Variants in ACVR2A observed in about 807,000 individuals in gnomAD.
ACVR2A encodes the protein activin A receptor type 2A.
In ACVR2A, 7 loss-of-function variants were observed where a neutral mutation model predicts 61.4. The observed-to-expected ratio is 0.11, with a 90% confidence interval of 0.06 to 0.21. The LOEUF is 0.21. Ranked by LOEUF, ACVR2A falls within the 10% of genes least tolerant of loss-of-function variation. The pLI is 1.00. For synonymous variants in ACVR2A, 193 were observed against 208.3 expected, an observed-to-expected ratio of 0.93 and a Z score of 0.63; for missense variants, 322 against 621.7, an observed-to-expected ratio of 0.52 and a Z score of 5.13.
intron 1 of ACVR2A, among the ~76,000 whole-genome samples, chr2:147,881,645 G>GTA (rs1686304441): frequency 1.4e-5 from 2 of 145,558 alleles, no homozygotes; most frequent in African/African-American, 5.2e-5. Context: ...GTGTGTGTAT[G>GTA]TGTGTGTGTG....
At chr2:147,873,113 A>G (rs1686064376) in intron 1 of ACVR2A, among the ~76,000 whole-genome samples, 1 of 151,926 alleles carries the variant, frequency 6.6e-6, no homozygotes, top group Non-Finnish European at 1.5e-5. Context: ...TGAGGAAATG[A>G]TTGAACAGAT....
intron 9 of ACVR2A, among the ~76,000 whole-genome samples, chr2:147,923,972 C>T (rs767771141): frequency 1.3e-5 from 2 of 151,952 alleles, no homozygotes; most frequent in Non-Finnish European, 2.9e-5. Context: ...CAGACTGCCA[C>T]TGGAATATGA....
chr2:147,920,811 T>G (rs1218765648), intron 8 of ACVR2A, among the ~76,000 whole-genome samples: 1 of 152,156 alleles, frequency 6.6e-6, no homozygotes, highest in East Asian at 1.9e-4. Context: ...TTAATCAACT[T>G]GATGGCTTTT....
intron 1 of ACVR2A, among the ~76,000 whole-genome samples, chr2:147,886,515 A>G (rs1042416648): frequency 1.3e-5 from 2 of 152,236 alleles, no homozygotes; most frequent in African/African-American, 2.4e-5. Flanking sequence ...CATTGGTTGC[A>G]TACATAGGAG....
chr2:147,850,610 T>A (rs1298364552), intron 1 of ACVR2A, among the ~76,000 whole-genome samples: 2 of 152,162 alleles, frequency 1.3e-5, no homozygotes, highest in Non-Finnish European at 2.9e-5. Flanking sequence ...TGTGGTAGAT[T>A]TAATTCTGTT....
At chr2:147,905,067 CA>C (rs1288549744) in intron 4 of ACVR2A, among the ~76,000 whole-genome samples, 1 of 152,016 alleles carries the variant, frequency 6.6e-6, no homozygotes, top group Non-Finnish European at 1.5e-5. Context: ...GGTATCAAGA[CA>C]AACTGTACAG....
rs1686099409 is a variant in ACVR2A at position 147,874,288 on chromosome 2, A to G, written c.56-22013A>G. On this transcript the variant is annotated intron_variant, in intron 1 of 10. Transcript: ENST00000241416. ...TTTTTCATCCATAAAATGGGCAGAA[A>G]CACCTACTTCATAGAATTACATGGA... 2.0e-5 allele frequency among the ~76,000 whole-genome samples: 3 copies of G among 152,036 alleles called. No homozygotes were observed. In the South Asian group the frequency reaches 6.2e-4, roughly 32 times the overall value.
At chr2:147,865,651 G>T (rs1010398899) in intron 1 of ACVR2A, among the ~76,000 whole-genome samples, 2 of 152,148 alleles carry the variant, frequency 1.3e-5, no homozygotes, top group African/African-American at 2.4e-5. Flanking sequence ...TGTAGGAGAT[G>T]TCCAGAGTTA....
At chr2:147,880,954 A>T (rs1686283558) in intron 1 of ACVR2A, among the ~76,000 whole-genome samples, 1 of 152,036 alleles carries the variant, frequency 6.6e-6, no homozygotes. Context: ...CTGGGCTCCT[A>T]TTTTTCCCTC....
chr2:147,848,753 C>G (rs745930620), intron 1 of ACVR2A, among the ~76,000 whole-genome samples: 1 of 151,922 alleles, frequency 6.6e-6, no homozygotes, highest in Non-Finnish European at 1.5e-5. Flanking sequence ...ACAGCAAACC[C>G]CATTATACGA....
chr2:147,844,567 C>T (rs563149410), upstream of ACVR2A: 167 of 150,952 alleles, frequency 1.1e-3, 1 homozygote, highest in Middle Eastern at 3.4e-3. Flanking sequence ...GAGCCAGAGC[C>T]TGGACCAGAA....
intron 4 of ACVR2A, 39 bp downstream of exon 4, chr2:147,899,937 T>A: frequency 6.3e-7 from 1 of 1,586,664 alleles, no homozygotes; most frequent in South Asian, 1.1e-5. Flanking sequence ...TTTTAAATTG[T>A]ATATTTTTGA....
Position 147,845,067 on chromosome 2 carries a change from A to C in ACVR2A, c.-86A>C. 1 of 776,592 alleles carries C rather than the reference A, an allele frequency of 1.3e-6. No individual in the cohort carries two copies. Among genetic ancestry groups the C allele is most frequent in the South Asian group, 1.4e-5 (1 of 69,556 alleles). The allele number at this position is 776,592 out of a possible 1,614,324, so 48.1% of individuals were successfully genotyped here. ...AATATGTTTTATGACGGTTGATTTT[A>C]CACCAGGAGGTTTGTCTCCGAGGAA... On this transcript the variant is annotated 5_prime_UTR_variant, in exon 1 of 11. Transcript: ENST00000241416.
chr2:147,847,256 T>TA (rs1212134182), intron 1 of ACVR2A, among the ~76,000 whole-genome samples: 1 of 152,174 alleles, frequency 6.6e-6, no homozygotes, highest in African/African-American at 2.4e-5. Flanking sequence ...CTGTTGAAGA[T>TA]AATTGAAATA....
chr2:147,845,280 G>T, intron 1 of ACVR2A, 73 bp downstream of exon 1: 1 of 1,462,200 alleles, frequency 6.8e-7, no homozygotes, highest in Non-Finnish European at 9.3e-7. Flanking sequence ...GCCGCGGCTG[G>T]TGTTGAGTCG....
chr2:147,894,891 G>T (rs1424026561), intron 1 of ACVR2A, among the ~76,000 whole-genome samples: 1 of 152,000 alleles, frequency 6.6e-6, no homozygotes, highest in Non-Finnish European at 1.5e-5. Flanking sequence ...GGCAACCATT[G>T]TACAGTTGAT....
At chr2:147,844,810 C>A, upstream of ACVR2A, 1 of 194,310 alleles carries the variant, frequency 5.1e-6, no homozygotes, top group Admixed American at 6.1e-5. Context: ...CGTTTTGTTC[C>A]GAGAGACGGG....
intron 1 of ACVR2A, among the ~76,000 whole-genome samples, chr2:147,858,895 T>A (rs1451895425): frequency 6.6e-6 from 1 of 151,926 alleles, no homozygotes; most frequent in Non-Finnish European, 1.5e-5. Context: ...ATTATTTTGA[T>A]TTTTTTTCAA....
intron 1 of ACVR2A, among the ~76,000 whole-genome samples, chr2:147,848,133 G>A (rs1685358610): frequency 6.6e-6 from 1 of 152,100 alleles, no homozygotes; most frequent in African/African-American, 2.4e-5. Context: ...AGAATCTTTT[G>A]GGATTCTTTT....
Sources: allele counts gnomAD v4.1 joint callset (sites outside exome capture counted in the v4.1 genomes callset), GRCh38; gene constraint gnomAD v4.1.1; transcripts MANE v1.5; gene names NCBI Gene and HGNC (gene_info 2026-07-23, HGNC 2026-07-21).